MACROD2: variants seen among roughly 807,000 people sequenced by gnomAD.
MACROD2 encodes mono-ADP ribosylhydrolase 2, also known as ADP-ribose glycohydrolase MACROD2.
A neutral mutation model predicts 70.4 loss-of-function variants in MACROD2; 36 were observed. The observed-to-expected ratio is 0.51, with a 90% confidence interval of 0.39 to 0.68. The LOEUF (loss-of-function observed/expected upper bound fraction) is 0.68, where lower values mean the gene tolerates loss of function less well. Ranked by LOEUF, MACROD2 falls within the 30% of genes least tolerant of loss-of-function variation. The probability of loss-of-function intolerance (pLI) is 0.00; values close to 1 mark genes in which losing one functional copy is unlikely to be tolerated. For missense variants in MACROD2, 496 were observed against 538.4 expected (o/e 0.92, Z 0.78); for synonymous variants, 172 against 178.8 (o/e 0.96, Z 0.30).
In MACROD2 at chr20:16,052,242, A is replaced by T. The variant is rs2067467580; in HGVS notation, c.*2366A>T. 1 of 152,224 alleles carries T rather than the reference A, an allele frequency of 6.6e-6. No homozygotes were observed. The highest frequency in any genetic ancestry group is 2.1e-4 in the South Asian group (1 of 4,834). 9.4% of individuals were successfully genotyped at this position (152,224 alleles called of 1,614,324 possible). A position where few individuals can be genotyped will look rare whatever the true frequency, so the allele number is the denominator to read the frequency against. ...AAAACAAATGATAAAGTTAATTTCC[A>T]ATTCAATAGTGAAATATTAACAATC... is the stretch of plus-strand genomic sequence containing the variant. On this transcript the variant is annotated 3_prime_UTR_variant, in exon 18 of 18. Transcript: ENST00000684519.
intron 3 of MACROD2, among the ~76,000 whole-genome samples, chr20:14,341,161 T>A (rs367692109): frequency 5.3e-5 from 8 of 152,178 alleles, no homozygotes; most frequent in African/African-American, 1.4e-4. Context: ...ATATACATAT[T>A]TATTGACTCC....
At chr20:15,649,891 T>C (rs2049618227) in intron 8 of MACROD2, among the ~76,000 whole-genome samples, 1 of 152,216 alleles carries the variant, frequency 6.6e-6, no homozygotes, top group African/African-American at 2.4e-5. Flanking sequence ...GAAGATTTGC[T>C]TCTAAAATAG....
chr20:15,834,693 T>G (rs2064093633), intron 8 of MACROD2, among the ~76,000 whole-genome samples: 1 of 152,240 alleles, frequency 6.6e-6, no homozygotes, highest in Non-Finnish European at 1.5e-5. Context: ...TTGGCACATA[T>G]TAGACACTCT....
intron 3 of MACROD2, among the ~76,000 whole-genome samples, chr20:14,311,567 G>T (rs750646714): frequency 6.6e-6 from 1 of 152,100 alleles, no homozygotes; most frequent in Non-Finnish European, 1.5e-5. Flanking sequence ...ACCCAGGCTG[G>T]AGTGCAGTGG....
chr20:15,338,775 A>C (rs1427562429), intron 6 of MACROD2, among the ~76,000 whole-genome samples: 2 of 151,696 alleles, frequency 1.3e-5, no homozygotes, highest in Non-Finnish European at 2.9e-5. Flanking sequence ...TTCAGTTCTT[A>C]AGCACTCTGC....
intron 15 of MACROD2, among the ~76,000 whole-genome samples, chr20:16,030,205 T>C (rs1235990096): frequency 6.6e-6 from 1 of 152,184 alleles, no homozygotes; most frequent in Non-Finnish European, 1.5e-5. Flanking sequence ...TCCCCCACTA[T>C]GGAAGTCCAA....
chr20:15,148,955 A>G (rs1437107473), intron 5 of MACROD2, among the ~76,000 whole-genome samples: 1 of 152,050 alleles, frequency 6.6e-6, no homozygotes, highest in African/African-American at 2.4e-5. Flanking sequence ...ATCAGACTGT[A>G]TAGAGGTGGG....
intron 15 of MACROD2, among the ~76,000 whole-genome samples, chr20:16,009,956 TG>T (rs2066840785): frequency 1.3e-5 from 2 of 152,008 alleles, no homozygotes; most frequent in African/African-American, 4.8e-5. Flanking sequence ...TAGAAGAAAT[TG>T]CTGGGAGAGA....
At chr20:15,105,801 AT>A (rs2075906441) in intron 5 of MACROD2, among the ~76,000 whole-genome samples, 1 of 152,014 alleles carries the variant, frequency 6.6e-6, no homozygotes, top group Non-Finnish European at 1.5e-5. Flanking sequence ...ACTCACAAAT[AT>A]TTTATTAGTA....
rs191173551 is a variant in MACROD2, at chr20:15,727,730, A to G, written c.646-135015A>G. On this transcript the variant is annotated intron_variant, in intron 8 of 17. Transcript: ENST00000684519. ...GAATGGGATTGCATTTTTTATTTGA[A>G]TCTTTGCTTGCATGTTGTTGGTATA... Among the ~76,000 whole-genome samples, 3 of 151,848 alleles carry G rather than the reference A, an allele frequency of 2.0e-5. No homozygotes were observed. The East Asian group carries it at 5.8e-4, about 29-fold the overall frequency.
chr20:14,435,253 G>A (rs139077076), intron 3 of MACROD2, among the ~76,000 whole-genome samples: 5 of 152,146 alleles, frequency 3.3e-5, no homozygotes, highest in East Asian at 1.9e-4. Flanking sequence ...CTCTGTCTGC[G>A]TGTGTCACTC....
chr20:16,000,577 A>T (rs1403468398), intron 15 of MACROD2, among the ~76,000 whole-genome samples: 1 of 152,160 alleles, frequency 6.6e-6, no homozygotes, highest in East Asian at 1.9e-4. Context: ...TCTCTCTTAG[A>T]ATAATAGTTT....
At chr20:15,674,522 G>T (rs1038297902) in intron 8 of MACROD2, among the ~76,000 whole-genome samples, 9 of 152,016 alleles carry the variant, frequency 5.9e-5, no homozygotes, top group Non-Finnish European at 8.8e-5. Flanking sequence ...TGACCTCCCT[G>T]ACAGGTTCAG....
chr20:14,142,777 A>G (rs1039984568), intron 3 of MACROD2, among the ~76,000 whole-genome samples: 1 of 152,180 alleles, frequency 6.6e-6, no homozygotes, highest in East Asian at 1.9e-4. Flanking sequence ...AATATTTTCT[A>G]TAGAATATAA....
At chr20:14,660,778 A>G (rs1465976102) in intron 4 of MACROD2, among the ~76,000 whole-genome samples, 1 of 151,962 alleles carries the variant, frequency 6.6e-6, no homozygotes. Flanking sequence ...TTTAGCTCCC[A>G]CTTATAAGTG....
At chr20:14,321,364 CAA>C (rs11475232) in intron 3 of MACROD2, among the ~76,000 whole-genome samples, 28 of 148,910 alleles carry the variant, frequency 1.9e-4, no homozygotes, top group Admixed American at 5.3e-4. Context: ...TACTCCATCT[CAA>C]AAAAAAAAAG....
At chr20:15,352,190 A>ACAGAATT (rs2078235163) in intron 6 of MACROD2, among the ~76,000 whole-genome samples, 1 of 152,162 alleles carries the variant, frequency 6.6e-6, no homozygotes, top group Admixed American at 6.5e-5. Flanking sequence ...GCAGGATGAG[A>ACAGAATT]GCAGTGCAGA....
chr20:15,346,666 G>T (rs1338793568), intron 6 of MACROD2, among the ~76,000 whole-genome samples: 1 of 152,100 alleles, frequency 6.6e-6, no homozygotes, highest in Non-Finnish European at 1.5e-5. Flanking sequence ...TTCTCCTTAA[G>T]GATATTTAGC....
rs555736632 is a variant in MACROD2 at position 15,009,219 on chromosome 20, C to G, written c.419-220721C>G. 2.0e-5 allele frequency among the ~76,000 whole-genome samples: 3 copies of G among 152,292 alleles called. No homozygotes were observed. In the East Asian group the frequency reaches 5.8e-4, roughly 29 times the overall value. On this transcript the variant is annotated intron_variant, in intron 5 of 17. Transcript: ENST00000684519. ...GTCTCTGGGGACAGCCTAGGTCACA[C>G]TGATCTTGGGTCTCCAAACACTCCA...
Sources: gnomAD v4.1 joint callset for allele counts (sites outside exome capture counted in the v4.1 genomes callset) on GRCh38, gnomAD v4.1.1 for gene constraint, MANE v1.5 for transcripts, NCBI Gene and HGNC (gene_info 2026-07-23, HGNC 2026-07-21) for gene names.